The following CCSER1 variants were observed in gnomAD, a reference collection of about 807,000 sequenced individuals.
The protein encoded by CCSER1 is serine-rich coiled-coil domain-containing protein 1.
CCSER1 carries 41 observed loss-of-function variants against 82.0 expected under a neutral mutation model. That is an observed-to-expected ratio of 0.50 (90% CI 0.39 to 0.65). CCSER1 has a LOEUF of 0.65. Among genes scored for constraint, CCSER1 ranks in the 30% least tolerant of loss-of-function variants. The pLI is 0.00. For synonymous variants in CCSER1, 414 were observed against 383.9 expected (o/e 1.08, Z -0.92); for missense variants, 1,119 against 1,064.2 (o/e 1.05, Z -0.72).
rs1210426697 is a variant in CCSER1 at position 90,856,744 on chromosome 4, TAAC to T, written c.2094+40902_2094+40904del. Among the ~76,000 whole-genome samples the T allele has an allele frequency of 1.2e-4, 18 of 152,210 alleles. No homozygotes were observed. In the East Asian group the frequency reaches 1.9e-3, roughly 16 times the overall value. ...ACAGTTTCTGTCTATAAAATAGAAATAACAATATCTTTGGATGCTTCAAAGGGT... is the reference window on the plus strand; with the variant it reads ...ACAGTTTCTGTCTATAAAATAGAAATAATATCTTTGGATGCTTCAAAGGGT... On this transcript the variant is annotated intron_variant, in intron 8 of 10. Coordinates refer to ENST00000509176, the MANE Select transcript of CCSER1 (RefSeq NM_001145065.2).
rs562106825 is a variant in CCSER1 at position 91,228,525 on chromosome 4, A to G, written c.2217+142531A>G. On this transcript the variant is annotated intron_variant, in intron 10 of 10. Transcript: ENST00000509176. Reference sequence around the variant, plus strand: ...AAAGAAATATACTCTTATTTTAAATATATTCTATTAGTGTTATATTTCCAG... The same window carrying G: ...AAAGAAATATACTCTTATTTTAAATGTATTCTATTAGTGTTATATTTCCAG... Among the ~76,000 whole-genome samples the G allele has an allele frequency of 1.2e-4, 18 of 152,174 alleles. No individual in the cohort carries two copies. The East Asian group carries it at 3.5e-3, about 29-fold the overall frequency.
intron 8 of CCSER1, among the ~76,000 whole-genome samples, chr4:90,917,315 C>T (rs545539136): frequency 2.0e-5 from 3 of 152,268 alleles, no homozygotes; most frequent in Non-Finnish European, 2.9e-5. Flanking sequence ...CACATATACA[C>T]CATGGAATAC....
At chr4:91,390,836 C>G (rs1751602383) in intron 10 of CCSER1, among the ~76,000 whole-genome samples, 1 of 151,908 alleles carries the variant, frequency 6.6e-6, no homozygotes, top group Non-Finnish European at 1.5e-5. Flanking sequence ...GGAATTAGTT[C>G]ATTTTATTTA....
At chr4:90,238,549 A>G (rs1166046488) in intron 1 of CCSER1, among the ~76,000 whole-genome samples, 1 of 152,186 alleles carries the variant, frequency 6.6e-6, no homozygotes, top group Non-Finnish European at 1.5e-5. Context: ...TTTTAACCCT[A>G]AACTGTTTTC....
intron 9 of CCSER1, among the ~76,000 whole-genome samples, chr4:91,071,995 A>G (rs1457102505): frequency 1.3e-5 from 2 of 152,178 alleles, no homozygotes; most frequent in East Asian, 3.8e-4. Flanking sequence ...GATTAGTCTC[A>G]TATCTGAACT....
At chr4:90,557,084 A>T (rs1778234599) in intron 5 of CCSER1, among the ~76,000 whole-genome samples, 1 of 151,934 alleles carries the variant, frequency 6.6e-6, no homozygotes, top group Non-Finnish European at 1.5e-5. Context: ...TATTAATTGT[A>T]TCCCTTCCCA....
intron 10 of CCSER1, among the ~76,000 whole-genome samples, chr4:91,585,036 A>G (rs745931154): frequency 1.3e-5 from 2 of 151,484 alleles, no homozygotes; most frequent in Non-Finnish European, 3.0e-5. Context: ...TAAACCTTTA[A>G]TTGACCTTCA....
chr4:90,954,214 T>C (rs1007964921), intron 9 of CCSER1, among the ~76,000 whole-genome samples: 5 of 152,050 alleles, frequency 3.3e-5, no homozygotes, highest in Non-Finnish European at 7.4e-5. Flanking sequence ...AAAATTTGTA[T>C]GCTATATTTG....
intron 3 of CCSER1, among the ~76,000 whole-genome samples, chr4:90,386,406 C>A (rs2153535085): frequency 6.6e-6 from 1 of 152,112 alleles, no homozygotes; most frequent in East Asian, 1.9e-4. Flanking sequence ...GAAGAGGACA[C>A]CCTATTCAGT....
intron 7 of CCSER1, among the ~76,000 whole-genome samples, chr4:90,742,942 T>A (rs1746792999): frequency 6.6e-6 from 1 of 152,216 alleles, no homozygotes; most frequent in Non-Finnish European, 1.5e-5. Context: ...TATTTTGATT[T>A]TTTTAAGATA....
chr4:90,176,026 A>G (rs1005519798), intron 1 of CCSER1, among the ~76,000 whole-genome samples: 1 of 151,980 alleles, frequency 6.6e-6, no homozygotes, highest in African/African-American at 2.4e-5. Context: ...ATTTTCATAA[A>G]ATGAAAAAGC....
At chr4:90,487,971 AAGTC>A (rs2153602517) in intron 5 of CCSER1, among the ~76,000 whole-genome samples, 1 of 152,256 alleles carries the variant, frequency 6.6e-6, no homozygotes, top group South Asian at 2.1e-4. Flanking sequence ...TGCAGTGGAG[AAGTC>A]AACACTTAGT....
intron 7 of CCSER1, among the ~76,000 whole-genome samples, chr4:90,786,088 C>A (rs979084941): frequency 3.6e-4 from 55 of 152,262 alleles, no homozygotes; most frequent in African/African-American, 1.3e-3. Context: ...GAGGGGGATT[C>A]TTCTTTGTCA....
At chr4:90,146,519 C>T (rs1030165196) in intron 1 of CCSER1, among the ~76,000 whole-genome samples, 1 of 151,906 alleles carries the variant, frequency 6.6e-6, no homozygotes, top group Non-Finnish European at 1.5e-5. Context: ...AGCTTGTACT[C>T]GGTTCAAAGA....
chr4:91,225,314 TAA>T (rs1491391220), intron 10 of CCSER1, among the ~76,000 whole-genome samples: 1 of 128,874 alleles, frequency 7.8e-6, no homozygotes, highest in Non-Finnish European at 1.6e-5. Context: ...ATTATATATG[TAA>T]TATATATGTA....
intron 10 of CCSER1, among the ~76,000 whole-genome samples, chr4:91,471,469 G>A (rs996572711): frequency 6.6e-6 from 1 of 152,122 alleles, no homozygotes; most frequent in Non-Finnish European, 1.5e-5. Flanking sequence ...GGATGGATCT[G>A]GATGTGCTAC....
intron 4 of CCSER1, among the ~76,000 whole-genome samples, chr4:90,460,965 C>T (rs539149484): frequency 6.6e-6 from 1 of 151,940 alleles, no homozygotes; most frequent in South Asian, 2.1e-4. Flanking sequence ...TAATAAGAAG[C>T]CCTCACCATT....
chr4:91,075,178 A>AC lies in CCSER1; in HGVS notation c.2173-10772_2173-10771insC, dbSNP rs1554064491. Among the ~76,000 whole-genome samples the AC allele has an allele frequency of 1.4e-4, 21 of 148,842 alleles. No individual in the cohort carries two copies. The South Asian group carries it at 3.0e-3, about 21-fold the overall frequency. On this transcript the variant is annotated intron_variant, in intron 9 of 10. Transcript: ENST00000509176. ...CAAGACAAATTTGGTAGGAAGTTCT[A>AC]TTTTTTTTTTTTCCAGTTAATAGCC...
chr4:90,682,789 G>T (rs1579899098), intron 6 of CCSER1, among the ~76,000 whole-genome samples: 2 of 151,972 alleles, frequency 1.3e-5, no homozygotes, highest in South Asian at 4.1e-4. Context: ...GAATACATGG[G>T]TGTTACTGTA....
Sources: gnomAD v4.1 joint callset for allele counts (sites outside exome capture counted in the v4.1 genomes callset) on GRCh38, gnomAD v4.1.1 for gene constraint, MANE v1.5 for transcripts, NCBI Gene and HGNC (gene_info 2026-07-23, HGNC 2026-07-21) for gene names.